Variants in TNR observed in about 807,000 individuals in gnomAD.
TNR encodes the protein tenascin R, also known as tenascin-R.
In TNR, 45 loss-of-function variants were observed where a neutral mutation model predicts 150.4. The observed-to-expected ratio is 0.30, with a 90% CI of 0.24 to 0.38. The LOEUF (loss-of-function observed/expected upper bound fraction) is 0.38. Among genes scored for constraint, TNR ranks in the 10% least tolerant of loss-of-function variants. TNR has a pLI of 1.00. For synonymous variants in TNR, 687 were observed against 678.4 expected, an observed-to-expected ratio of 1.01 and a Z score of -0.20; for missense variants, 1,544 against 1,759.1, an observed-to-expected ratio of 0.88 and a Z score of 2.19.
chr1:175,682,044 G>T (rs144709471), intron 1 of TNR, among the ~76,000 whole-genome samples: 1 of 152,116 alleles, frequency 6.6e-6, no homozygotes, highest in Non-Finnish European at 1.5e-5. Context: ...CATCAGAGAT[G>T]GTTCCTGAAT....
chr1:175,391,054 A>G (rs964257731), intron 7 of TNR, among the ~76,000 whole-genome samples: 2 of 152,252 alleles, frequency 1.3e-5, no homozygotes, highest in African/African-American at 4.8e-5. Flanking sequence ...ATATTAAAAA[A>G]GAATTGTCTC....
At chr1:175,552,615 A>C (rs533875114) in intron 1 of TNR, among the ~76,000 whole-genome samples, 1 of 152,136 alleles carries the variant, frequency 6.6e-6, no homozygotes, top group South Asian at 2.1e-4. Flanking sequence ...GAAGCCATCT[A>C]TGTAAGGCAA....
intron 1 of TNR, among the ~76,000 whole-genome samples, chr1:175,692,665 C>T (rs1666404401): frequency 6.6e-6 from 1 of 152,084 alleles, no homozygotes. Context: ...AGTTACTGCC[C>T]TGAATGGGTC....
chr1:175,456,204 C>T (rs770828522), intron 2 of TNR, among the ~76,000 whole-genome samples: 2 of 152,164 alleles, frequency 1.3e-5, no homozygotes, highest in Non-Finnish European at 2.9e-5. Context: ...CTAGGGTGCT[C>T]TTGCTTTGGA....
intron 1 of TNR, among the ~76,000 whole-genome samples, chr1:175,633,993 G>GGATGATGAT (rs1322726718): frequency 7.3e-6 from 1 of 136,150 alleles, no homozygotes; most frequent in Non-Finnish European, 1.5e-5. Flanking sequence ...CGTAGGACTG[G>GGATGATGAT]GATGATGATG....
At chr1:175,433,851 T>C (rs966196437) in intron 2 of TNR, among the ~76,000 whole-genome samples, 1 of 152,152 alleles carries the variant, frequency 6.6e-6, no homozygotes, top group African/African-American at 2.4e-5. Context: ...ATCAAGCCCA[T>C]CCATTGCGTC....
chr1:175,722,578 T>C (rs1558091253), intron 1 of TNR, among the ~76,000 whole-genome samples: 1 of 147,890 alleles, frequency 6.8e-6, no homozygotes, highest in Non-Finnish European at 1.5e-5. Context: ...AATCCTCCCA[T>C]CTCAGCCTCC....
intron 2 of TNR, among the ~76,000 whole-genome samples, chr1:175,425,719 C>T (rs1179144234): frequency 6.6e-6 from 1 of 152,204 alleles, no homozygotes; most frequent in African/African-American, 2.4e-5. Flanking sequence ...CCTGGCACTG[C>T]TGCACTTGAA....
intron 16 of TNR, 23 bp downstream of exon 16, chr1:175,356,296 T>A: frequency 6.2e-7 from 1 of 1,613,500 alleles, no homozygotes; most frequent in Admixed American, 1.7e-5. Context: ...GGGATACGGG[T>A]ATGTAGGTGA....
intron 1 of TNR, among the ~76,000 whole-genome samples, chr1:175,528,659 T>G (rs1402193364): frequency 6.6e-6 from 1 of 152,204 alleles, no homozygotes; most frequent in Non-Finnish European, 1.5e-5. Flanking sequence ...TGCTTTAGGT[T>G]TTTGAAAGTG....
chr1:175,327,247 T>A (rs1649452828), intron 21 of TNR, among the ~76,000 whole-genome samples: 1 of 152,092 alleles, frequency 6.6e-6, no homozygotes, highest in South Asian at 2.1e-4. Context: ...GGTCTTTACA[T>A]CCTCCCAAAG....
At chr1:175,700,942 GCCA>G (rs1393950858) in intron 1 of TNR, among the ~76,000 whole-genome samples, 1 of 152,160 alleles carries the variant, frequency 6.6e-6, no homozygotes. Context: ...TCTCAGGCCT[GCCA>G]TCCAAATAAA....
In TNR at chr1:175,356,417, C is replaced by A; in HGVS notation, c.3020G>T (p.Arg1007Leu). The A allele has an allele frequency of 6.2e-7, 1 of 1,613,836 alleles. No individual in the cohort carries two copies. ...ILVDGVSEEF[R>L]LVDLLPSTHY... ...GGTGCTAGGAAGCAGGTCAACAAGC[C>A]GAAATTCCTCACTGACTCCGTCAAC... The change falls in exon 16 of 23, where the codon CGG becomes CTG. Residue 1007 changes from arginine (R) to leucine (L), a missense_variant. This residue lies in a region of TNR where 1,254 missense variants were observed against 1,329.4 expected (regional missense o/e 0.94). Coordinates refer to ENST00000367674, the MANE Select transcript of TNR (RefSeq NM_003285.3).
intron 5 of TNR, among the ~76,000 whole-genome samples, chr1:175,396,007 T>C (rs191753502): frequency 1.6e-4 from 25 of 152,304 alleles, no homozygotes; most frequent in African/African-American, 5.8e-4. Context: ...CTTTTATAAC[T>C]AAAATGAACT....
chr1:175,469,138 T>G (rs1434088328), intron 2 of TNR, among the ~76,000 whole-genome samples: 2 of 152,110 alleles, frequency 1.3e-5, no homozygotes, highest in Admixed American at 6.5e-5. Flanking sequence ...TTATTGAGTC[T>G]GACGGACCTA....
chr1:175,628,527 A>T (rs78292251), intron 1 of TNR, among the ~76,000 whole-genome samples: 2,561 of 82,488 alleles, frequency 0.031, 71 homozygotes, highest in African/African-American at 0.14. Context: ...TAATAAAATT[A>T]AAAAAAAAAA....
At chr1:175,425,729 A>G (rs769796956) in intron 2 of TNR, among the ~76,000 whole-genome samples, 1 of 152,138 alleles carries the variant, frequency 6.6e-6, no homozygotes, top group Non-Finnish European at 1.5e-5. Context: ...CTGCACTTGA[A>G]TTTGCAAAGA....
At chr1:175,385,441 T>C (rs1429270996) in intron 8 of TNR, among the ~76,000 whole-genome samples, 1 of 152,222 alleles carries the variant, frequency 6.6e-6, no homozygotes, top group Non-Finnish European at 1.5e-5. Context: ...ATGGGCTTTA[T>C]GAACTTCCTG....
intron 15 of TNR, among the ~76,000 whole-genome samples, chr1:175,356,964 C>T (rs1205298925): frequency 6.6e-6 from 1 of 152,204 alleles, no homozygotes; most frequent in East Asian, 1.9e-4. Context: ...ATGAAATAAA[C>T]AGGGTCAGTC....
Sources: gnomAD v4.1 joint callset for allele counts (sites outside exome capture counted in the v4.1 genomes callset) on GRCh38, gnomAD v4.1.1 for gene constraint, gnomAD v4.1.1 regional missense constraint, MANE v1.5 for transcripts, NCBI Gene and HGNC (gene_info 2026-07-23, HGNC 2026-07-21) for gene names.